The following EFCAB5 variants were observed in gnomAD, a reference collection of about 807,000 sequenced individuals.
EFCAB5 encodes the protein EF-hand calcium binding domain 5, also known as EF-hand calcium-binding domain-containing protein 5.
EFCAB5 carries 131 observed loss-of-function variants against 167.9 expected under a neutral mutation model. The ratio of observed to expected loss-of-function variants is 0.78; its 90% CI spans 0.68 to 0.90. The LOEUF is 0.90. Among genes scored for constraint, EFCAB5 ranks in the 40% least tolerant of loss-of-function variants. The pLI is 0.00. For synonymous variants in EFCAB5, 574 were observed against 602.8 expected (o/e 0.95, Z 0.70); for missense variants, 1,663 against 1,745.2 (o/e 0.95, Z 0.84).
chr17:30,031,579 T>C (rs2069480874), intron 7 of EFCAB5, among the ~76,000 whole-genome samples: 1 of 152,294 alleles, frequency 6.6e-6, no homozygotes, highest in East Asian at 1.9e-4. Context: ...TAACTACTAC[T>C]GTGATACCCA....
intron 7 of EFCAB5, among the ~76,000 whole-genome samples, chr17:30,026,960 C>CTTTT (rs2069340566): frequency 9.8e-6 from 1 of 102,108 alleles, no homozygotes; most frequent in Non-Finnish European, 2.0e-5. Context: ...CCTCCTTGTA[C>CTTTT]CTTTTTTTTT....
upstream of EFCAB5, chr17:29,941,537 G>A (rs1023634734): frequency 2.0e-5 from 6 of 298,192 alleles, no homozygotes; most frequent in East Asian, 1.1e-4. Context: ...GATTACTATG[G>A]TGAGTTTTCT....
chr17:30,095,274 G>A (rs116119557), intron 22 of EFCAB5, among the ~76,000 whole-genome samples: 2,502 of 152,232 alleles, frequency 0.016, 55 homozygotes, highest in African/African-American at 0.054. Flanking sequence ...CACAGACATT[G>A]GTCTTGGCAG....
Position 30,051,080 on chromosome 17 carries a change from C to T in EFCAB5, c.1201-38C>T, listed in dbSNP as rs375063294. ...CCAACTGCATAAAAATCTTAAATCT[C>T]CTGTAACAACTAATCACAAACTTTC... On this transcript the variant is annotated intron_variant, in intron 8 of 22. Coordinates refer to ENST00000394835, the MANE Select transcript of EFCAB5 (RefSeq NM_198529.4). 242 of 1,595,042 alleles carry T rather than the reference C, an allele frequency of 1.5e-4. No individual in the cohort carries two copies. In the African/African-American group the frequency reaches 1.7e-3, roughly 11 times the overall value.
rs2067300358 is a variant in EFCAB5, at chr17:29,941,739, TTAATAC to T, written c.-56_-51del. 1 of 1,440,568 alleles carries T rather than the reference TTAATAC, an allele frequency of 6.9e-7. No individual in the cohort carries two copies. Among genetic ancestry groups the T allele is most frequent in the Admixed American group, 2.1e-5 (1 of 47,244 alleles). 89.2% of individuals were successfully genotyped at this position (1,440,568 alleles called of 1,614,324 possible). ...ATTAATATTTTCTTTCTTTTTGTTA[TTAATAC>T]TGGTCTAGTAATATTCTTCTATACC... On this transcript the variant is annotated 5_prime_UTR_variant, in exon 1 of 23. Coordinates refer to ENST00000394835, the MANE Select transcript of EFCAB5 (RefSeq NM_198529.4).
chr17:30,024,490 C>G (rs2069264113), intron 7 of EFCAB5, among the ~76,000 whole-genome samples: 1 of 152,038 alleles, frequency 6.6e-6, no homozygotes, highest in Non-Finnish European at 1.5e-5. Flanking sequence ...TGTGAAGGAC[C>G]TCTTCAAGGA....
chr17:30,053,906 C>A lies in EFCAB5; in HGVS notation c.1952C>A (p.Ser651Ter). 1 of 1,613,970 alleles carries A rather than the reference C, an allele frequency of 6.2e-7. No individual in the cohort carries two copies. Among genetic ancestry groups the A allele is most frequent in the South Asian group, 1.1e-5 (1 of 91,072 alleles). Residue 651 changes from serine (S) to a stop codon, truncating the protein, a stop_gained, in exon 10 of 23, where the codon TCA (serine) becomes TAA (stop). Transcript: ENST00000394835. LOFTEE classifies it high-confidence loss of function. ...ESVIEEPYQKSEQGPYGEIIS... is the reference protein window; with the variant it reads ...ESVIEEPYQK ...GTAATAGAAGAACCATACCAAAAAT[C>A]AGAACAAGGACCTTATGGAGAGATA...
intron 3 of EFCAB5, among the ~76,000 whole-genome samples, chr17:29,945,956 GC>G (rs1382165719): frequency 6.6e-6 from 1 of 152,022 alleles, no homozygotes; most frequent in Non-Finnish European, 1.5e-5. Context: ...GACTCCAAAA[GC>G]AAATGCAATA....
At chr17:29,958,270 A>G (rs942297882) in intron 3 of EFCAB5, among the ~76,000 whole-genome samples, 1 of 152,144 alleles carries the variant, frequency 6.6e-6, no homozygotes, top group Non-Finnish European at 1.5e-5. Context: ...TTTAAGGTCA[A>G]TAACTCTTAA....
intron 1 of EFCAB5, chr17:29,930,220 G>A: frequency 5.4e-6 from 3 of 556,744 alleles, no homozygotes; most frequent in Non-Finnish European, 9.5e-6. Flanking sequence ...CGCAGCTGCG[G>A]GGCACAATGA....
chr17:29,967,819 A>G (rs1345141183), intron 3 of EFCAB5, among the ~76,000 whole-genome samples: 3 of 152,060 alleles, frequency 2.0e-5, no homozygotes, highest in Non-Finnish European at 4.4e-5. Context: ...TGGGAATAAA[A>G]TGAAGAGAAA....
At position 30,034,273 on chromosome 17, in the gene EFCAB5, A is replaced by G; in HGVS notation, c.1088A>G (p.Glu363Gly). 6.2e-7 allele frequency: 1 copy of G among 1,613,996 alleles called. No homozygotes were observed. Among genetic ancestry groups the G allele is most frequent in the Non-Finnish European group, 8.5e-7 (1 of 1,179,888 alleles). Residue 363 changes from glutamate (E) to glycine (G), a missense_variant, in exon 8 of 23, where the codon GAG becomes GGG. Glu to Gly is a moderately conservative substitution (Grantham distance 98). Coordinates refer to ENST00000394835, the MANE Select transcript of EFCAB5 (RefSeq NM_198529.4). ...AAAGACTTGAAGAGTGAAATGTTTG[A>G]GGAACTTCTTAAGCACCTTTGCCAC... ...HIKDLKSEMF[E>G]ELLKHLCHSA... is the part of the protein sequence containing the mutation.
chr17:30,082,485 A>C (rs1204594181), intron 17 of EFCAB5, among the ~76,000 whole-genome samples: 4 of 141,476 alleles, frequency 2.8e-5, no homozygotes, highest in Non-Finnish European at 6.0e-5. Context: ...CCACCTCCTG[A>C]GTTCAAGCAA....
At chr17:30,051,264 G>C (rs1334481808) in intron 9 of EFCAB5, 47 bp downstream of exon 9, 1 of 1,494,588 alleles carries the variant, frequency 6.7e-7, no homozygotes, top group East Asian at 2.3e-5. Flanking sequence ...GTGTCGCAGT[G>C]CACTGATATG....
chr17:29,994,133 A>AATATATATATAT (rs55875315), intron 5 of EFCAB5, among the ~76,000 whole-genome samples: 169 of 55,812 alleles, frequency 3.0e-3, no homozygotes, highest in East Asian at 4.7e-3. Context: ...AACAACAACA[A>AATATATATATAT]ATATATATAT....
chr17:29,965,822 A>G (rs1315251332), intron 3 of EFCAB5, among the ~76,000 whole-genome samples: 1 of 152,108 alleles, frequency 6.6e-6, no homozygotes, highest in Non-Finnish European at 1.5e-5. Flanking sequence ...ACTTCAGTAA[A>G]GTTTTATAGC....
At chr17:29,987,019 G>A (rs1444994707) in intron 4 of EFCAB5, among the ~76,000 whole-genome samples, 1 of 152,076 alleles carries the variant, frequency 6.6e-6, no homozygotes, top group Admixed American at 6.5e-5. Context: ...TTACGTCCAG[G>A]CATTATTGCC....
rs761190040 is a variant in EFCAB5, at chr17:29,993,217, A to G, written c.820A>G (p.Ile274Val). The change falls in exon 5 of 23, where the codon ATA (isoleucine) becomes GTA (valine). Residue 274 changes from isoleucine to valine, a missense_variant. Coordinates refer to ENST00000394835, the MANE Select transcript of EFCAB5 (RefSeq NM_198529.4). ...ACAGAATAGAAAACAAAGAGAAAGC[A>G]TAGACAAAATCATAGTCAAGGTGGC... ...VKQNRKQRESIDKIIVKVANT... is the reference protein window; with the variant it reads ...VKQNRKQRESVDKIIVKVANT... 3.1e-6 allele frequency: 5 copies of G among 1,613,662 alleles called. No homozygotes were observed. Among genetic ancestry groups the G allele is most frequent in the Non-Finnish European group, 3.4e-6 (4 of 1,179,798 alleles).
upstream of EFCAB5, among the ~76,000 whole-genome samples, chr17:29,939,546 GT>G (rs903308466): frequency 6.6e-6 from 1 of 152,206 alleles, no homozygotes; most frequent in African/African-American, 2.4e-5. Flanking sequence ...AAAATCCATT[GT>G]TTAGTGTAGC....
Sources: gnomAD v4.1 joint callset for allele counts (sites outside exome capture counted in the v4.1 genomes callset) on GRCh38, gnomAD v4.1.1 for gene constraint, MANE v1.5 for transcripts, NCBI Gene and HGNC (gene_info 2026-07-23, HGNC 2026-07-21) for gene names.